The following ECE1 variants were observed in gnomAD, a reference collection of about 807,000 sequenced individuals.
The protein encoded by ECE1 is endothelin converting enzyme 1, also known as endothelin-converting enzyme 1.
ECE1 carries 35 observed loss-of-function variants against 98.6 expected under a neutral mutation model. The observed-to-expected ratio is 0.35, with a 90% CI of 0.27 to 0.47. The LOEUF is 0.47. ECE1 is among the 20% of genes least tolerant of loss of function. The pLI is 1.00. For missense variants in ECE1, 814 were observed against 1,025.3 expected (o/e 0.79, Z 2.81); for synonymous variants, 394 against 407.1 (o/e 0.97, Z 0.39).
At chr1:21,310,154 G>A (rs1174654506) in intron 1 of ECE1, among the ~76,000 whole-genome samples, 1 of 152,188 alleles carries the variant, frequency 6.6e-6, no homozygotes, top group Non-Finnish European at 1.5e-5. Context: ...AGGGAGGGAG[G>A]GAGGATCATC....
At chr1:21,285,232 A>C (rs2098259200) in intron 2 of ECE1, among the ~76,000 whole-genome samples, 1 of 152,210 alleles carries the variant, frequency 6.6e-6, no homozygotes. Context: ...TCAAAGGCTA[A>C]TATTTACAAG....
upstream of ECE1, chr1:21,294,123 G>A (rs1488173994): frequency 1.3e-5 from 2 of 152,524 alleles, no homozygotes; most frequent in African/African-American, 4.8e-5. This position sits in a 1 kb window ranked among gnomAD's most constrained non-coding sequence, Gnocchi z 4.2. Context: ...CGAGCCCCGC[G>A]GCGAGAAAGT....
intron 1 of ECE1, among the ~76,000 whole-genome samples, chr1:21,343,127 G>A (rs10916962): frequency 0.1 from 15,256 of 151,864 alleles, 2,525 homozygotes; most frequent in African/African-American, 0.34. Flanking sequence ...GCTTTCTCTC[G>A]TCTCTCCAGC....
At chr1:21,323,442 T>C (rs1473066727) in intron 1 of ECE1, among the ~76,000 whole-genome samples, 2 of 152,108 alleles carry the variant, frequency 1.3e-5, no homozygotes, top group Admixed American at 6.6e-5. Flanking sequence ...TCGACAGATA[T>C]AGCAGGAAAC....
rs141897889 is a variant in ECE1 at position 21,269,349 on chromosome 1, G to A, written c.493+3350C>T. Among the ~76,000 whole-genome samples the A allele has an allele frequency of 6.0e-3, 917 of 152,332 alleles. 3 individuals carry two copies. The highest frequency in any genetic ancestry group is 0.01 in the Middle Eastern group (3 of 294). On this transcript the variant is annotated intron_variant, in intron 4 of 18. Coordinates refer to ENST00000374893, the MANE Select transcript of ECE1 (RefSeq NM_001397.3). ...TGAAATAATACAAGTGAGATGCTCA[G>A]TGTGTCATAGCTGTATTCTGCACCT... is the stretch of plus-strand genomic sequence containing the variant.
intron 14 of ECE1, among the ~76,000 whole-genome samples, chr1:21,228,275 C>T (rs553605826): frequency 6.6e-6 from 1 of 152,264 alleles, no homozygotes; most frequent in South Asian, 2.1e-4. Context: ...TCATGGCTGA[C>T]TGCAGCCTCA....
intron 2 of ECE1, among the ~76,000 whole-genome samples, chr1:21,288,497 C>T (rs1015736509): frequency 7.2e-5 from 11 of 152,324 alleles, no homozygotes; most frequent in African/African-American, 9.6e-5. Flanking sequence ...CCTGCTTGGC[C>T]GGGGGCCCTC....
At chr1:21,296,875 G>A (rs762558564) in intron 1 of ECE1, among the ~76,000 whole-genome samples, 27 of 152,308 alleles carry the variant, frequency 1.8e-4, no homozygotes, top group Middle Eastern at 6.8e-3. Flanking sequence ...GGCCTGGAGA[G>A]GGAGACTCCC....
intron 12 of ECE1, 88 bp from the exon 13 acceptor site, chr1:21,236,015 C>T: frequency 8.1e-7 from 1 of 1,240,702 alleles, no homozygotes; most frequent in East Asian, 2.3e-5. Context: ...ATAGTCTGGG[C>T]CAAGGGGAAC....
upstream of ECE1, chr1:21,290,487 C>T (rs745760727): frequency 3.6e-5 from 44 of 1,220,446 alleles, no homozygotes; most frequent in Non-Finnish European, 4.5e-5. The surrounding 1 kb of genome is among the most constrained non-coding windows in gnomAD (Gnocchi z 7.3). Context: ...CGTTGCACCA[C>T]CTTCGCGGGC....
In ECE1 at chr1:21,325,440, A is replaced by G. The variant is rs557260862; in HGVS notation, c.3+19936T>C. On this transcript the variant is annotated intron_variant, in intron 1 of 18. Coordinates refer to the ECE1 transcript ENST00000415912. The stretch of plus-strand genomic sequence containing the variant: ...TTCCAGCTGCCTGTCCCCACACCAG[A>G]AAGGGCACTCCCTGCTCCCCATGCA... 7.9e-5 allele frequency among the ~76,000 whole-genome samples: 12 copies of G among 152,326 alleles called. 1 individual carries two copies. The South Asian group carries it at 2.5e-3, about 32-fold the overall frequency.
chr1:21,240,955 T>C (rs2098195345), intron 10 of ECE1, among the ~76,000 whole-genome samples: 1 of 152,248 alleles, frequency 6.6e-6, no homozygotes, highest in Non-Finnish European at 1.5e-5. Context: ...GCATCCTGAC[T>C]GTGCTAGGTC....
chr1:21,297,149 C>T (rs1013801945), intron 1 of ECE1, among the ~76,000 whole-genome samples: 8 of 152,248 alleles, frequency 5.3e-5, no homozygotes, highest in Non-Finnish European at 1.0e-4. Flanking sequence ...CTTGCCTCCA[C>T]ACACACAGCG....
chr1:21,342,395 G>A (rs189566047), intron 1 of ECE1, among the ~76,000 whole-genome samples: 45 of 152,166 alleles, frequency 3.0e-4, no homozygotes, highest in Admixed American at 2.9e-3. Flanking sequence ...GAGTACAACC[G>A]GAGGCAGGAG....
chr1:21,287,042 T>C (rs928367328), intron 2 of ECE1, among the ~76,000 whole-genome samples: 2 of 152,230 alleles, frequency 1.3e-5, no homozygotes, highest in Non-Finnish European at 1.5e-5. Context: ...ATGTGGCAAG[T>C]AATAAAGTAA....
chr1:21,321,151 G>A (rs139663134), intron 1 of ECE1, among the ~76,000 whole-genome samples: 2 of 152,208 alleles, frequency 1.3e-5, no homozygotes, highest in South Asian at 2.1e-4. Context: ...GAGCTAGTGC[G>A]TGGCGGAGCT....
chr1:21,260,478 G>A lies in ECE1; in HGVS notation c.494-86C>T. The stretch of plus-strand genomic sequence containing the variant: ...GGCAGTCCCTCTTTTCGGAGCCTTG[G>A]TGTTCTCAGCTGCAAAGGAGCTCTG... On this transcript the variant is annotated intron_variant, in intron 4 of 18. Coordinates refer to ENST00000374893, the MANE Select transcript of ECE1 (RefSeq NM_001397.3). The surrounding 1 kb of genome is among the most constrained non-coding windows in gnomAD (Gnocchi z 4.3). The A allele has an allele frequency of 6.5e-7, 1 of 1,543,150 alleles. No homozygotes were observed. Among genetic ancestry groups the A allele is most frequent in the East Asian group, 2.2e-5 (1 of 44,532 alleles).
intron 1 of ECE1, among the ~76,000 whole-genome samples, chr1:21,328,086 A>G (rs1639121736): frequency 6.6e-6 from 1 of 152,172 alleles, no homozygotes; most frequent in Admixed American, 6.5e-5. Flanking sequence ...GAAGCCTGGC[A>G]CCAAAAAGGT....
chr1:21,311,394 C>T lies in ECE1; in HGVS notation c.4-21238G>A, dbSNP rs142663435. On this transcript the variant is annotated intron_variant, in intron 1 of 18. Transcript: ENST00000415912. ...GCAAGTGAGAAAAGAGCATGCGGGC[C>T]GGGCATGGGGGTTCACGCCTGTGAT... is the stretch of plus-strand genomic sequence containing the variant. 4.8e-3 allele frequency among the ~76,000 whole-genome samples: 725 copies of T among 151,276 alleles called. 3 individuals are homozygous for T. The highest frequency in any genetic ancestry group is 0.016 in the African/African-American group (666 of 41,126).
Sources: gnomAD v4.1 joint callset for allele counts (sites outside exome capture counted in the v4.1 genomes callset) on GRCh38, gnomAD v4.1.1 for gene constraint, Gnocchi (gnomAD v3.1) non-coding constraint, MANE v1.5 for transcripts, NCBI Gene and HGNC (gene_info 2026-07-23, HGNC 2026-07-21) for gene names.